GPR55: variants seen among roughly 807,000 people sequenced by gnomAD.
The protein encoded by GPR55 is G-protein coupled receptor 55.
GPR55 carries 6 observed loss-of-function variants against 7.9 expected under a neutral mutation model. The observed-to-expected ratio is 0.76, with a 90% CI of 0.41 to 1.49. The LOEUF (loss-of-function observed/expected upper bound fraction) is 1.49. Among genes scored for constraint, GPR55 ranks in the 40% most tolerant of loss-of-function variants. The pLI is 0.01. For synonymous variants in GPR55, 183 were observed against 166.8 expected, an observed-to-expected ratio of 1.10 and a Z score of -0.75; for missense variants, 376 against 406.0, an observed-to-expected ratio of 0.93 and a Z score of 0.63.
At chr2:230,934,400 G>A (rs1387285693) in intron 1 of GPR55, among the ~76,000 whole-genome samples, 1 of 152,198 alleles carries the variant, frequency 6.6e-6, no homozygotes, top group Non-Finnish European at 1.5e-5. Flanking sequence ...TCAGGGATGG[G>A]GGTTAGTTCC....
intron 1 of GPR55, among the ~76,000 whole-genome samples, chr2:230,939,910 A>T (rs923701720): frequency 2.0e-5 from 3 of 151,966 alleles, no homozygotes; most frequent in African/African-American, 7.3e-5. Context: ...CTGAAGAGAC[A>T]TCATACCCCT....
At chr2:230,918,525 G>T (rs1261387345) in intron 1 of GPR55, among the ~76,000 whole-genome samples, 1 of 152,078 alleles carries the variant, frequency 6.6e-6, no homozygotes, top group Non-Finnish European at 1.5e-5. Context: ...GATAATCCCC[G>T]TGCCCTATAA....
exon 1 of GPR55, chr2:230,960,842 T>C (rs1295621809): frequency 1.3e-5 from 2 of 152,126 alleles, no homozygotes; most frequent in East Asian, 3.9e-4. Context: ...CCTGACGAAT[T>C]GCTGGAGGCT....
intron 1 of GPR55, among the ~76,000 whole-genome samples, chr2:230,949,651 G>T (rs1158255024): frequency 6.6e-6 from 1 of 152,180 alleles, no homozygotes; most frequent in African/African-American, 2.4e-5. Context: ...ATACTGAAAT[G>T]TTGTTAGTAT....
intron 1 of GPR55, among the ~76,000 whole-genome samples, chr2:230,941,671 C>A (rs185125363): frequency 5.9e-5 from 9 of 152,284 alleles, no homozygotes; most frequent in African/African-American, 2.2e-4. Flanking sequence ...GGGTCACATC[C>A]GCAGTGACTC....
At chr2:230,945,838 T>G (rs1379821375) in intron 1 of GPR55, among the ~76,000 whole-genome samples, 1 of 152,232 alleles carries the variant, frequency 6.6e-6, no homozygotes, top group Non-Finnish European at 1.5e-5. Flanking sequence ...CCCAAAGTGC[T>G]GGGATTACAG....
intron 1 of GPR55, among the ~76,000 whole-genome samples, chr2:230,914,521 C>CA (rs57999731): frequency 0.013 from 1,923 of 150,072 alleles, 47 homozygotes; most frequent in African/African-American, 0.045. Flanking sequence ...GAGTCTTTTT[C>CA]AAAAAAATCA....
rs1690899807 is a variant in GPR55 at position 230,924,195 on chromosome 2, G to A, written c.-135+973C>T. On this transcript the variant is annotated intron_variant, in intron 1 of 1. Coordinates refer to ENST00000650999, the MANE Select transcript of GPR55 (RefSeq NM_005683.4). This position sits in a 1 kb window ranked among gnomAD's most constrained non-coding sequence, Gnocchi z 4.5. Reference sequence around the variant, plus strand: ...GGAAGGTCTTATTGCATGAAAGAGGGGGTGAAGAAATGACGGAACAAATGG... The same window carrying A: ...GGAAGGTCTTATTGCATGAAAGAGGAGGTGAAGAAATGACGGAACAAATGG... Among the ~76,000 whole-genome samples, 1 of 152,174 alleles carries A rather than the reference G, an allele frequency of 6.6e-6. No individual in the cohort carries two copies. The highest frequency in any genetic ancestry group is 1.5e-5 in the Non-Finnish European group (1 of 68,026).
chr2:230,917,473 G>C (rs1690742776), intron 1 of GPR55, among the ~76,000 whole-genome samples: 1 of 151,944 alleles, frequency 6.6e-6, no homozygotes, highest in Admixed American at 6.6e-5. Flanking sequence ...AAATTATTTT[G>C]GCTATACTCT....
Position 230,924,226 on chromosome 2 carries a change from T to A in GPR55, c.-135+942A>T, listed in dbSNP as rs58600740. Among the ~76,000 whole-genome samples, 3,372 of 152,186 alleles carry A rather than the reference T, an allele frequency of 0.022. 56 individuals are homozygous for A. Among genetic ancestry groups the A allele is most frequent in the African/African-American group, 0.051 (2,107 of 41,516 alleles). ...AGAAATGACGGAACAAATGGCCAGG[T>A]CTGCTGCAGCTCCACAGTGACTGGT... On this transcript the variant is annotated intron_variant, in intron 1 of 1. Coordinates refer to ENST00000650999, the MANE Select transcript of GPR55 (RefSeq NM_005683.4). The surrounding 1 kb of genome is among the most constrained non-coding windows in gnomAD (Gnocchi z 4.5).
chr2:230,948,352 C>T (rs1196702297), intron 1 of GPR55, among the ~76,000 whole-genome samples: 1 of 152,236 alleles, frequency 6.6e-6, no homozygotes, highest in Non-Finnish European at 1.5e-5. Flanking sequence ...GCTCTCCACA[C>T]ACCTCCCAAC....
intron 1 of GPR55, among the ~76,000 whole-genome samples, chr2:230,956,229 A>T (rs1691482221): frequency 6.6e-6 from 1 of 151,962 alleles, no homozygotes; most frequent in Admixed American, 6.6e-5. Flanking sequence ...CAGTGGTGAA[A>T]TCTCAGCTCA....
intron 1 of GPR55, 150 bp downstream of exon 1, chr2:230,925,018 G>A (rs1690918813): frequency 6.5e-6 from 1 of 152,674 alleles, no homozygotes; most frequent in South Asian, 2.1e-4. Flanking sequence ...CTGACACCTG[G>A]GACTGCTCGC....
At chr2:230,915,099 C>T (rs138312499) in intron 1 of GPR55, among the ~76,000 whole-genome samples, 79 of 152,384 alleles carry the variant, frequency 5.2e-4, no homozygotes, top group African/African-American at 1.9e-3. Context: ...AGGCTAGTGC[C>T]TCTGCCCAGT....
At chr2:230,914,126 C>T (rs1238595032) in intron 1 of GPR55, among the ~76,000 whole-genome samples, 4 of 152,174 alleles carry the variant, frequency 2.6e-5, no homozygotes, top group African/African-American at 9.7e-5. Flanking sequence ...ATCGGTGATG[C>T]TCAAAGTCCA....
rs556202539 is a variant in GPR55, at chr2:230,921,552, G to A, written c.-135+3616C>T. On this transcript the variant is annotated intron_variant, in intron 1 of 1. Transcript: ENST00000650999. ...GCATTCTTTTACACAGGCTCTTCAC[G>A]TGTGAGTCAGAGACAAAATCAGACG... Among the ~76,000 whole-genome samples the A allele has an allele frequency of 2.6e-4, 39 of 152,306 alleles. 1 individual carries two copies. In the South Asian group the frequency reaches 7.5e-3, roughly 29 times the overall value.
chr2:230,940,739 TG>T (rs112225878), intron 1 of GPR55, among the ~76,000 whole-genome samples: 8,275 of 152,266 alleles, frequency 0.054, 753 homozygotes, highest in African/African-American at 0.19. Flanking sequence ...CCTGCGTTTC[TG>T]GCCAGTCCAG....
intron 1 of GPR55, among the ~76,000 whole-genome samples, chr2:230,912,047 C>T (rs1378592241): frequency 1.3e-5 from 2 of 152,144 alleles, no homozygotes; most frequent in African/African-American, 4.8e-5. Flanking sequence ...CCCACTTGCC[C>T]GCCTCTGCCC....
rs111365111 is a variant in GPR55, at chr2:230,959,448, C to CA, written c.-135+1326dup. On this transcript the variant is annotated intron_variant, in intron 1 of 1. Coordinates refer to the GPR55 transcript ENST00000392039. The stretch of plus-strand genomic sequence containing the variant: ...TGGGCAACAGAGTGAAACCCTGTCT[C>CA]AAAAAAAAAAAAGTTGCTTTACATA... Among the ~76,000 whole-genome samples the CA allele has an allele frequency of 2.8e-3, 402 of 142,430 alleles. 1 individual carries two copies. The highest frequency in any genetic ancestry group is 4.4e-3 in the Non-Finnish European group (287 of 64,924). The allele number at this position is 142,430 out of a possible 152,430, so 93.4% of individuals were successfully genotyped here. A position where few individuals can be genotyped will look rare whatever the true frequency, so the allele number is the denominator to read the frequency against.
Sources: allele counts gnomAD v4.1 joint callset (sites outside exome capture counted in the v4.1 genomes callset), GRCh38; gene constraint gnomAD v4.1.1; non-coding constraint Gnocchi (gnomAD v3.1); transcripts MANE v1.5; gene names NCBI Gene and HGNC (gene_info 2026-07-23, HGNC 2026-07-21).